The following CDH20 variants were observed in gnomAD, a reference collection of about 807,000 sequenced individuals.
CDH20 encodes the protein cadherin-20.
CDH20 carries 29 observed loss-of-function variants against 74.2 expected under a neutral mutation model. That is an observed-to-expected ratio of 0.39 (90% CI 0.29 to 0.53). The LOEUF (loss-of-function observed/expected upper bound fraction) is 0.53, where lower values mean the gene tolerates loss of function less well. Ranked by LOEUF, CDH20 falls within the 20% of genes least tolerant of loss-of-function variation. The pLI is 0.69. For synonymous variants in CDH20, 469 were observed against 405.4 expected, an observed-to-expected ratio of 1.16 and a Z score of -1.88; for missense variants, 988 against 1,048.3, an observed-to-expected ratio of 0.94 and a Z score of 0.79.
intron 1 of CDH20, among the ~76,000 whole-genome samples, chr18:61,385,365 A>G (rs1299796703): frequency 2.0e-5 from 3 of 152,144 alleles, no homozygotes; most frequent in African/African-American, 7.2e-5. Flanking sequence ...ATACAAATAA[A>G]TATCCATACT....
At position 61,528,240 on chromosome 18, in the gene CDH20, CT is replaced by C. The variant is rs772664154; in HGVS notation, c.1271+24del. 1 of 1,610,678 alleles carries C rather than the reference CT, an allele frequency of 6.2e-7. No individual in the cohort carries two copies. Among genetic ancestry groups the C allele is most frequent in the Non-Finnish European group, 8.5e-7 (1 of 1,177,434 alleles). On this transcript the variant is annotated intron_variant, in intron 7 of 11. Coordinates refer to ENST00000262717, the MANE Select transcript of CDH20 (RefSeq NM_031891.4). ...AATCAGGTTTTTCCACAGATTTCAC[CT>C]TTTCCTTATATGCTGGAATCTTCCC...
chr18:61,413,251 C>T (rs1912570283), intron 1 of CDH20, among the ~76,000 whole-genome samples: 1 of 152,086 alleles, frequency 6.6e-6, no homozygotes, highest in South Asian at 2.1e-4. Flanking sequence ...TTATGAAATC[C>T]ACATTCTGCT....
chr18:61,402,560 G>A (rs977396442), intron 1 of CDH20, among the ~76,000 whole-genome samples: 1 of 152,126 alleles, frequency 6.6e-6, no homozygotes, highest in Non-Finnish European at 1.5e-5. Context: ...TGTAAATTAA[G>A]CACCATATGA....
intron 1 of CDH20, among the ~76,000 whole-genome samples, chr18:61,473,926 G>A (rs996205705): frequency 2.0e-5 from 3 of 152,300 alleles, no homozygotes; most frequent in Admixed American, 6.5e-5. Flanking sequence ...AAGGTAGCTC[G>A]TTCTTTTCAC....
rs182685253 is a variant in CDH20, at chr18:61,381,248, A to G, written c.-153+47421A>G. On this transcript the variant is annotated intron_variant, in intron 1 of 11. Coordinates refer to ENST00000262717, the MANE Select transcript of CDH20 (RefSeq NM_031891.4). ...CTGAAACACACTGAAACTTGTAATTATAAGTAAGACATTATTTTTAGGCCT... is the reference window on the plus strand; with the variant it reads ...CTGAAACACACTGAAACTTGTAATTGTAAGTAAGACATTATTTTTAGGCCT... Among the ~76,000 whole-genome samples, 744 of 152,336 alleles carry G rather than the reference A, an allele frequency of 4.9e-3. 3 individuals carry two copies. The highest frequency in any genetic ancestry group is 7.2e-3 in the Non-Finnish European group (492 of 68,030).
At chr18:61,340,020 C>T (rs577810615) in intron 1 of CDH20, among the ~76,000 whole-genome samples, 2 of 151,932 alleles carry the variant, frequency 1.3e-5, no homozygotes, top group East Asian at 1.9e-4. Flanking sequence ...ACATGTAGCC[C>T]CCAACACCCC....
intron 1 of CDH20, among the ~76,000 whole-genome samples, chr18:61,429,894 T>G (rs1039349449): frequency 2.0e-5 from 3 of 152,172 alleles, no homozygotes; most frequent in Admixed American, 2.0e-4. Flanking sequence ...TCCTTTGTAG[T>G]GGGTACTCTG....
intron 6 of CDH20, among the ~76,000 whole-genome samples, chr18:61,527,392 T>TG (rs1568177679): frequency 1.5e-4 from 6 of 41,348 alleles, no homozygotes; most frequent in Admixed American, 4.3e-4. Flanking sequence ...GATAGATAGA[T>TG]AGATAGATAG....
intron 1 of CDH20, among the ~76,000 whole-genome samples, chr18:61,487,209 T>C (rs566076651): frequency 1.7e-4 from 26 of 152,316 alleles, no homozygotes; most frequent in African/African-American, 6.3e-4. Flanking sequence ...CATGTATCAG[T>C]ATCTTCTTTT....
chr18:61,398,092 T>C (rs559300147), intron 1 of CDH20, among the ~76,000 whole-genome samples: 19 of 152,354 alleles, frequency 1.2e-4, no homozygotes, highest in African/African-American at 4.3e-4. Context: ...GCATAACTTA[T>C]GGCTTTGTAC....
intron 1 of CDH20, among the ~76,000 whole-genome samples, chr18:61,341,998 A>G (rs1315930388): frequency 6.6e-6 from 1 of 152,214 alleles, no homozygotes; most frequent in Non-Finnish European, 1.5e-5. Context: ...AGTCATTAAA[A>G]TATTAATCCA....
At chr18:61,530,289 A>G (rs906400108) in intron 7 of CDH20, among the ~76,000 whole-genome samples, 1 of 152,204 alleles carries the variant, frequency 6.6e-6, no homozygotes, top group Non-Finnish European at 1.5e-5. Context: ...TTAAAACTCA[A>G]TGAACTCCCT....
chr18:61,488,354 T>A (rs1188200979), intron 1 of CDH20, among the ~76,000 whole-genome samples: 1 of 152,154 alleles, frequency 6.6e-6, no homozygotes, highest in Non-Finnish European at 1.5e-5. Context: ...AAGGTATCCA[T>A]AAAATATATA....
At chr18:61,519,530 A>G (rs563359348) in intron 6 of CDH20, among the ~76,000 whole-genome samples, 2 of 151,436 alleles carry the variant, frequency 1.3e-5, no homozygotes, top group Non-Finnish European at 2.9e-5. Flanking sequence ...TAAGCTTCAC[A>G]AGTGAAGGAG....
chr18:61,354,154 C>T (rs929393887), intron 1 of CDH20, among the ~76,000 whole-genome samples: 1 of 152,218 alleles, frequency 6.6e-6, no homozygotes, highest in South Asian at 2.1e-4. Context: ...AACTCCCACA[C>T]TGGATGACAC....
intron 1 of CDH20, among the ~76,000 whole-genome samples, chr18:61,452,470 T>C (rs1325479067): frequency 6.6e-6 from 1 of 152,198 alleles, no homozygotes; most frequent in African/African-American, 2.4e-5. Context: ...TTTATTTTCT[T>C]TAAATTTTCT....
intron 1 of CDH20, among the ~76,000 whole-genome samples, chr18:61,342,161 G>C (rs917608706): frequency 1.3e-4 from 20 of 152,068 alleles, no homozygotes; most frequent in African/African-American, 4.4e-4. Flanking sequence ...GAAATACCAA[G>C]TATTATACAT....
chr18:61,340,496 A>G (rs1011345963), intron 1 of CDH20, among the ~76,000 whole-genome samples: 1 of 152,150 alleles, frequency 6.6e-6, no homozygotes, highest in African/African-American at 2.4e-5. Context: ...CTTTGGACAG[A>G]ACCAAATTTT....
intron 1 of CDH20, among the ~76,000 whole-genome samples, chr18:61,354,280 A>G (rs1001043075): frequency 6.6e-6 from 1 of 151,996 alleles, no homozygotes. Context: ...ATTATACACT[A>G]TTGGCAAAAG....
Sources: allele counts gnomAD v4.1 joint callset (sites outside exome capture counted in the v4.1 genomes callset), GRCh38; gene constraint gnomAD v4.1.1; transcripts MANE v1.5; gene names NCBI Gene and HGNC (gene_info 2026-07-23, HGNC 2026-07-21).